EML6: variants seen among roughly 807,000 people sequenced by gnomAD.
The protein encoded by EML6 is echinoderm microtubule-associated protein-like 6.
In EML6, 154 loss-of-function variants were observed where a neutral mutation model predicts 240.1. That is an observed-to-expected ratio of 0.64 (90% CI 0.56 to 0.73). The LOEUF (loss-of-function observed/expected upper bound fraction) is 0.73, where lower values mean the gene tolerates loss of function less well. EML6 is among the 30% of genes least tolerant of loss of function. EML6 has a pLI of 0.00. For missense variants in EML6, 2,964 were observed against 2,474.6 expected, an observed-to-expected ratio of 1.20 and a Z score of -4.20; for synonymous variants, 1,148 against 899.0, an observed-to-expected ratio of 1.28 and a Z score of -4.95.
At chr2:54,915,112 G>C (rs534288500) in intron 25 of EML6, among the ~76,000 whole-genome samples, 11 of 152,306 alleles carry the variant, frequency 7.2e-5, no homozygotes, top group Non-Finnish European at 1.3e-4. Flanking sequence ...TTTTCAACAA[G>C]TTTATTTAAC....
chr2:54,816,668 G>A, intron 3 of EML6, 119 bp from the exon 4 acceptor site: 1 of 764,172 alleles, frequency 1.3e-6, no homozygotes. Flanking sequence ...TGGGTTTTGA[G>A]AAATCGGTTT....
intron 2 of EML6, among the ~76,000 whole-genome samples, chr2:54,793,199 A>G (rs1224298574): frequency 1.3e-5 from 2 of 152,118 alleles, no homozygotes; most frequent in Non-Finnish European, 2.9e-5. Flanking sequence ...CTCAGTAGGT[A>G]GAGGCTGCAG....
chr2:54,892,882 A>G (rs1672551200), intron 19 of EML6, among the ~76,000 whole-genome samples: 1 of 152,164 alleles, frequency 6.6e-6, no homozygotes, highest in Admixed American at 6.5e-5. Context: ...CTTTTTCCAC[A>G]CATGCTCTTC....
At chr2:54,861,516 T>C (rs924898814) in intron 12 of EML6, among the ~76,000 whole-genome samples, 21 of 152,296 alleles carry the variant, frequency 1.4e-4, no homozygotes, top group African/African-American at 4.8e-4. Flanking sequence ...ACTGTGAAGA[T>C]AGAAGGAATT....
chr2:54,884,241 G>A (rs1019574301), intron 17 of EML6, among the ~76,000 whole-genome samples: 2 of 103,776 alleles, frequency 1.9e-5, no homozygotes, highest in African/African-American at 7.0e-5. Flanking sequence ...AAAGGTTATG[G>A]TTGGGAAGCT....
At chr2:54,933,177 T>A (rs900111798) in intron 28 of EML6, among the ~76,000 whole-genome samples, 1 of 152,192 alleles carries the variant, frequency 6.6e-6, no homozygotes, top group Non-Finnish European at 1.5e-5. Context: ...AAGTTCCCCC[T>A]ACAAATGTCT....
intron 40 of EML6, 41 bp downstream of exon 40, chr2:54,968,322 T>C: frequency 6.5e-7 from 1 of 1,546,296 alleles, no homozygotes; most frequent in Non-Finnish European, 8.8e-7. Context: ...GGTTCTCTGT[T>C]TGGCCGTCTG....
In EML6 at chr2:54,774,725, C is replaced by A. The variant is rs1476204591; in HGVS notation, c.198-38507C>A. On this transcript the variant is annotated intron_variant, in intron 2 of 41. Transcript: ENST00000356458. The surrounding 1 kb of genome is among the most constrained non-coding windows in gnomAD (Gnocchi z 4.1). ...TTTTCTCCCCGAGGATCTTGTGGGA[C>A]TAAAAGAGTTGGCATCCCTAGTCTA... Among the ~76,000 whole-genome samples, 1 of 152,178 alleles carries A rather than the reference C, an allele frequency of 6.6e-6. No individual in the cohort carries two copies. The highest frequency in any genetic ancestry group is 6.5e-5 in the Admixed American group (1 of 15,280).
In EML6 at chr2:54,746,731, G is replaced by A. The variant is rs189141429; in HGVS notation, c.197+21473G>A. Among the ~76,000 whole-genome samples the A allele has an allele frequency of 5.0e-3, 761 of 152,138 alleles. 2 individuals are homozygous for A. The highest frequency in any genetic ancestry group is 7.4e-3 in the Non-Finnish European group (503 of 68,002). Reference sequence around the variant, plus strand: ...TGTTTATAGGTATTTAATTCCATACGTGTCCTAGTTTCATCTAATTCTCCT... The same window carrying A: ...TGTTTATAGGTATTTAATTCCATACATGTCCTAGTTTCATCTAATTCTCCT... On this transcript the variant is annotated intron_variant, in intron 2 of 41. Transcript: ENST00000356458.
intron 41 of EML6, 135 bp downstream of exon 41, chr2:54,968,903 A>ATG: frequency 1.7e-6 from 1 of 592,486 alleles, no homozygotes. Context: ...AGGAAATTCC[A>ATG]TGAGTCCTCA....
chr2:54,732,885 C>G (rs1162816091), intron 2 of EML6, among the ~76,000 whole-genome samples: 1 of 152,166 alleles, frequency 6.6e-6, no homozygotes, highest in Non-Finnish European at 1.5e-5. Flanking sequence ...AAGGTTTTTG[C>G]TTTTTAAAAA....
In EML6 at chr2:54,903,184, A is replaced by C. The variant is rs1417443137; in HGVS notation, c.3265A>C (p.Lys1089Gln). The change falls in exon 23 of 42, where the codon AAG (lysine) becomes CAG (glutamine). Residue 1089 changes from lysine (K) to glutamine (Q), a missense_variant. Lys to Gln is a moderately conservative substitution (Grantham distance 53, BLOSUM62 1). Coordinates refer to ENST00000356458, the MANE Select transcript of EML6 (RefSeq NM_001039753.4). ...HHRKEMISDI[K>Q]FSKDTGKYLA... ...CAGAAAAGAAATGATCTCTGATATT[A>C]AGTTTTCAAAAGGTGAAGATGACAG... The C allele has an allele frequency of 2.6e-6, 4 of 1,551,812 alleles. No individual in the cohort carries two copies. Among genetic ancestry groups the C allele is most frequent in the Non-Finnish European group, 3.5e-6 (4 of 1,146,958 alleles).
intron 21 of EML6, among the ~76,000 whole-genome samples, chr2:54,898,911 A>G (rs950682379): frequency 6.6e-6 from 1 of 152,232 alleles, no homozygotes; most frequent in Non-Finnish European, 1.5e-5. Flanking sequence ...ATAAAAAAAT[A>G]CTGCTTTCTC....
At position 54,774,770 on chromosome 2, in the gene EML6, AGT is replaced by A. The variant is rs1461583475; in HGVS notation, c.198-38459_198-38458del. 1.3e-5 allele frequency among the ~76,000 whole-genome samples: 2 copies of A among 152,218 alleles called. No individual in the cohort carries two copies. Among genetic ancestry groups the A allele is most frequent in the Admixed American group, 6.5e-5 (1 of 15,284 alleles). On this transcript the variant is annotated intron_variant, in intron 2 of 41. Transcript: ENST00000356458. The surrounding 1 kb of genome is among the most constrained non-coding windows in gnomAD (Gnocchi z 4.1). ...AGTCTAATGATCAAATTTAGAAAAT[AGT>A]GTATTGCAAAATCTTTATCTTCTAC... is the stretch of plus-strand genomic sequence containing the variant.
intron 26 of EML6, among the ~76,000 whole-genome samples, chr2:54,920,587 T>C (rs1445529503): frequency 1.3e-5 from 2 of 151,830 alleles, no homozygotes; most frequent in African/African-American, 4.8e-5. Flanking sequence ...AAAGAAAAAA[T>C]ATTGCCAATC....
At chr2:54,866,522 T>G (rs1455381926) in intron 13 of EML6, among the ~76,000 whole-genome samples, 2 of 152,222 alleles carry the variant, frequency 1.3e-5, no homozygotes, top group Non-Finnish European at 1.5e-5. Flanking sequence ...AATTTACTGA[T>G]ATATTTTCTA....
At chr2:54,966,756 C>T (rs1676766647) in intron 38 of EML6, 2 of 273,506 alleles carry the variant, frequency 7.3e-6, no homozygotes, top group Non-Finnish European at 1.4e-5. Context: ...GAACCACACT[C>T]AGAGAACCGC....
intron 2 of EML6, among the ~76,000 whole-genome samples, chr2:54,777,388 T>A (rs1668649472): frequency 6.6e-6 from 1 of 152,226 alleles, no homozygotes; most frequent in South Asian, 2.1e-4. Context: ...TGGACTTTTA[T>A]GCTCACTTTT....
intron 2 of EML6, among the ~76,000 whole-genome samples, chr2:54,782,666 A>ATT (rs11389809): frequency 0.045 from 6,439 of 143,930 alleles, 432 homozygotes; most frequent in African/African-American, 0.14. Flanking sequence ...ACCTACTTGT[A>ATT]TTTTTTTTTT....
Sources: gnomAD v4.1 joint callset for allele counts (sites outside exome capture counted in the v4.1 genomes callset) on GRCh38, gnomAD v4.1.1 for gene constraint, Gnocchi (gnomAD v3.1) non-coding constraint, MANE v1.5 for transcripts, NCBI Gene and HGNC (gene_info 2026-07-23, HGNC 2026-07-21) for gene names.